NLGN1: variants seen among roughly 807,000 people sequenced by gnomAD.
NLGN1 encodes the protein neuroligin-1.
A neutral mutation model predicts 65.5 loss-of-function variants in NLGN1; 12 were observed. The observed-to-expected ratio is 0.18, with a 90% CI of 0.12 to 0.30. The LOEUF is 0.30. Ranked by LOEUF, NLGN1 falls within the 10% of genes least tolerant of loss-of-function variation. The pLI is 1.00. For synonymous variants in NLGN1, 350 were observed against 359.5 expected, an observed-to-expected ratio of 0.97 and a Z score of 0.30; for missense variants, 750 against 1,007.1, an observed-to-expected ratio of 0.74 and a Z score of 3.46.
intron 2 of NLGN1, among the ~76,000 whole-genome samples, chr3:173,603,540 A>C: frequency 6.6e-6 from 1 of 152,234 alleles, no homozygotes; most frequent in South Asian, 2.1e-4. Flanking sequence ...ATTGATATCT[A>C]TAATATATAG....
intron 3 of NLGN1, among the ~76,000 whole-genome samples, chr3:173,729,657 A>T (rs2150047042): frequency 6.6e-6 from 1 of 152,172 alleles, no homozygotes; most frequent in Admixed American, 6.6e-5. Context: ...AAAGAATAAC[A>T]TTGCTAAGTT....
rs1378260701 is a variant in NLGN1, at chr3:173,683,781, G to T, written c.493+78690G>T. ...TGTGAAGTGTGGAAGGGTGGGTCAG[G>T]TATAGTGCTTCGTGCTTTGCATATG... On this transcript the variant is annotated intron_variant, in intron 3 of 6. Coordinates refer to ENST00000457714, the Ensembl canonical transcript of NLGN1. 2.0e-5 allele frequency among the ~76,000 whole-genome samples: 3 copies of T among 152,068 alleles called. No individual in the cohort carries two copies. In the South Asian group the frequency reaches 6.2e-4, roughly 31 times the overall value.
intron 4 of NLGN1, among the ~76,000 whole-genome samples, chr3:174,069,198 G>A (rs1391701708): frequency 3.3e-5 from 5 of 152,192 alleles, no homozygotes; most frequent in African/African-American, 1.2e-4. Flanking sequence ...ATAAATCGTA[G>A]ATTAAGTAAT....
In NLGN1 at chr3:174,012,770, G is replaced by A. The variant is rs540859250; in HGVS notation, c.646+204938G>A. On this transcript the variant is annotated intron_variant, in intron 4 of 6. Coordinates refer to ENST00000457714, the Ensembl canonical transcript of NLGN1. ...TCTTTTACTGATCTAGCTCCAAAAAGGACCACATTCTCCTTGTCATATATA... is the reference window on the plus strand; with the variant it reads ...TCTTTTACTGATCTAGCTCCAAAAAAGACCACATTCTCCTTGTCATATATA... 5.3e-5 allele frequency among the ~76,000 whole-genome samples: 8 copies of A among 152,222 alleles called. No individual in the cohort carries two copies. In the South Asian group the frequency reaches 1.7e-3, roughly 32 times the overall value.
chr3:173,895,875 G>C (rs1219856765), intron 4 of NLGN1, among the ~76,000 whole-genome samples: 1 of 151,966 alleles, frequency 6.6e-6, no homozygotes, highest in Non-Finnish European at 1.5e-5. Flanking sequence ...ATTTTTAGTA[G>C]AGATGGGTTT....
At chr3:174,211,400 CAG>C (rs2152792476) in intron 4 of NLGN1, among the ~76,000 whole-genome samples, 1 of 152,182 alleles carries the variant, frequency 6.6e-6, no homozygotes, top group African/African-American at 2.4e-5. Context: ...TAGTTAGATA[CAG>C]AGTTTCCACA....
intron 4 of NLGN1, among the ~76,000 whole-genome samples, chr3:173,815,252 C>G (rs567992306): frequency 6.6e-6 from 1 of 151,706 alleles, no homozygotes; most frequent in Non-Finnish European, 1.5e-5. Flanking sequence ...GTACTACAGG[C>G]GCCTGCCACC....
intron 3 of NLGN1, among the ~76,000 whole-genome samples, chr3:173,703,911 T>C (rs1767632751): frequency 6.6e-6 from 1 of 152,220 alleles, no homozygotes; most frequent in Non-Finnish European, 1.5e-5. Context: ...TTAAATGGAA[T>C]GGTCTGCTTT....
intron 4 of NLGN1, among the ~76,000 whole-genome samples, chr3:174,163,204 C>A (rs1303883851): frequency 6.6e-6 from 1 of 152,006 alleles, no homozygotes; most frequent in Non-Finnish European, 1.5e-5. Context: ...ATACGAGCAT[C>A]AACCTTATTC....
intron 3 of NLGN1, among the ~76,000 whole-genome samples, chr3:173,620,584 GGGCA>G (rs1042136645): frequency 6.6e-6 from 1 of 152,030 alleles, no homozygotes; most frequent in African/African-American, 2.4e-5. Flanking sequence ...ATAAACAGAA[GGGCA>G]GGCTGGAATA....
intron 3 of NLGN1, among the ~76,000 whole-genome samples, chr3:173,747,810 T>C (rs1336173522): frequency 2.4e-5 from 3 of 124,608 alleles, no homozygotes; most frequent in Admixed American, 8.0e-5. Flanking sequence ...TCTTTTTTTT[T>C]TTTTTTTTTT....
chr3:174,233,835 A>T (rs1465903815), intron 4 of NLGN1, among the ~76,000 whole-genome samples: 1 of 152,208 alleles, frequency 6.6e-6, no homozygotes, highest in Admixed American at 6.5e-5. Context: ...CCACAAACGT[A>T]GATATTGCCA....
intron 4 of NLGN1, among the ~76,000 whole-genome samples, chr3:173,940,880 T>G (rs768132332): frequency 7.9e-5 from 12 of 152,336 alleles, no homozygotes; most frequent in East Asian, 3.9e-4. Context: ...TAGTAAATAC[T>G]TTTACTATAT....
chr3:173,646,033 C>G (rs1448982058), intron 3 of NLGN1, among the ~76,000 whole-genome samples: 1 of 152,148 alleles, frequency 6.6e-6, no homozygotes, highest in Admixed American at 6.6e-5. Flanking sequence ...AATCCTCACT[C>G]TAGCCGCTTT....
At chr3:173,556,151 C>A (rs993259869) in intron 2 of NLGN1, among the ~76,000 whole-genome samples, 5 of 152,084 alleles carry the variant, frequency 3.3e-5, no homozygotes, top group Non-Finnish European at 7.4e-5. Flanking sequence ...TTTTCTTTTT[C>A]ATTCATGACA....
intron 4 of NLGN1, among the ~76,000 whole-genome samples, chr3:174,116,733 C>A (rs2152633131): frequency 6.6e-6 from 1 of 152,064 alleles, no homozygotes; most frequent in Non-Finnish European, 1.5e-5. Context: ...TCATGAATTT[C>A]AATATTAACT....
At chr3:174,146,661 G>A (rs981942301) in intron 4 of NLGN1, among the ~76,000 whole-genome samples, 3 of 151,346 alleles carry the variant, frequency 2.0e-5, no homozygotes, top group Admixed American at 6.6e-5. Flanking sequence ...TCCGCCTCCC[G>A]GGTCAAAGCG....
At chr3:173,774,040 A>G (rs954925755) in intron 3 of NLGN1, among the ~76,000 whole-genome samples, 3 of 152,224 alleles carry the variant, frequency 2.0e-5, no homozygotes, top group East Asian at 3.9e-4. Context: ...TTGCCAGAAG[A>G]CAGCCAGGAA....
intron 4 of NLGN1, among the ~76,000 whole-genome samples, chr3:173,867,582 T>C (rs1029593926): frequency 6.6e-6 from 1 of 152,100 alleles, no homozygotes; most frequent in African/African-American, 2.4e-5. Context: ...GTTGGTATGT[T>C]CTCTAACCTC....
Sources: gnomAD v4.1 joint callset for allele counts (sites outside exome capture counted in the v4.1 genomes callset) on GRCh38, gnomAD v4.1.1 for gene constraint, MANE v1.5 for transcripts, NCBI Gene and HGNC (gene_info 2026-07-23, HGNC 2026-07-21) for gene names.